Variants in CMSS1 observed in about 807,000 individuals in gnomAD.
The protein encoded by CMSS1 is cms1 ribosomal small subunit homolog, also known as protein CMSS1.
A neutral mutation model predicts 43.5 loss-of-function variants in CMSS1; 33 were observed. The observed-to-expected ratio is 0.76, with a 90% CI of 0.57 to 1.01. The LOEUF is 1.01. Among genes scored for constraint, CMSS1 ranks in the 50% least tolerant of loss-of-function variants. The pLI is 0.00. For synonymous variants in CMSS1, 115 were observed against 117.2 expected (o/e 0.98, Z 0.12); for missense variants, 313 against 326.4 (o/e 0.96, Z 0.32).
chr3:100,103,062 A>C (rs1286891020), intron 1 of CMSS1, among the ~76,000 whole-genome samples: 2 of 152,246 alleles, frequency 1.3e-5, no homozygotes, highest in Non-Finnish European at 2.9e-5. Context: ...AAAATGAAGC[A>C]GACCGACTGT....
chr3:99,928,520 T>TA (rs1204754977), intron 1 of CMSS1, among the ~76,000 whole-genome samples: 1 of 152,182 alleles, frequency 6.6e-6, no homozygotes, highest in African/African-American at 2.4e-5. Flanking sequence ...AGGGGCACCT[T>TA]ACAGAGTTAA....
At chr3:100,128,696 A>T (rs538716826) in intron 1 of CMSS1, among the ~76,000 whole-genome samples, 22 of 152,120 alleles carry the variant, frequency 1.4e-4, no homozygotes, top group Non-Finnish European at 2.5e-4. Flanking sequence ...AGCTGATCTG[A>T]CTTCTATCGG....
chr3:100,161,169 G>A (rs549800374), intron 3 of CMSS1, among the ~76,000 whole-genome samples: 4 of 152,290 alleles, frequency 2.6e-5, no homozygotes, highest in South Asian at 4.1e-4. Flanking sequence ...GAAGTCAGCC[G>A]AGGAAATACG....
chr3:99,873,435 A>G (rs1705339665), intron 1 of CMSS1, among the ~76,000 whole-genome samples: 1 of 152,170 alleles, frequency 6.6e-6, no homozygotes, highest in South Asian at 2.1e-4. Flanking sequence ...TTACATCCAC[A>G]ATATCCAGTC....
chr3:100,136,317 A>G (rs1185133485), intron 1 of CMSS1, among the ~76,000 whole-genome samples: 3 of 152,198 alleles, frequency 2.0e-5, no homozygotes, highest in Non-Finnish European at 4.4e-5. Context: ...ACTGGCGCCA[A>G]TAGAAAGCCC....
At chr3:99,994,384 G>A (rs1484184032) in intron 1 of CMSS1, among the ~76,000 whole-genome samples, 1 of 152,146 alleles carries the variant, frequency 6.6e-6, no homozygotes, top group African/African-American at 2.4e-5. Context: ...AAACCAAATG[G>A]ACTTAACAGA....
At chr3:100,144,339 T>C (rs6767441) in intron 1 of CMSS1, among the ~76,000 whole-genome samples, 61,785 of 152,038 alleles carry the variant, frequency 0.41, 12,662 homozygotes, top group South Asian at 0.47. Context: ...TCCACTAGGC[T>C]TCCTCTGACA....
At chr3:100,051,182 TCTC>T (rs1265460038) in intron 1 of CMSS1, 1 of 152,160 alleles carries the variant, frequency 6.6e-6, no homozygotes, top group Non-Finnish European at 1.5e-5. Context: ...TCACAATTCT[TCTC>T]TGTGAGTCCA....
At chr3:100,133,292 T>G (rs959926077) in intron 1 of CMSS1, among the ~76,000 whole-genome samples, 3 of 152,252 alleles carry the variant, frequency 2.0e-5, no homozygotes, top group Middle Eastern at 6.9e-3. Flanking sequence ...TATTAAAGGA[T>G]AAAACATTTG....
intron 1 of CMSS1, among the ~76,000 whole-genome samples, chr3:99,976,880 C>T (rs1170524609): frequency 6.6e-6 from 1 of 152,130 alleles, no homozygotes; most frequent in African/African-American, 2.4e-5. Flanking sequence ...TGGCTTCCTA[C>T]CTTGCCCCCA....
intron 1 of CMSS1, among the ~76,000 whole-genome samples, chr3:100,070,618 G>T (rs115818557): frequency 0.012 from 1,805 of 152,108 alleles, 23 homozygotes; most frequent in African/African-American, 0.027. Context: ...TCATCGTGGG[G>T]TTTTTTTGTT....
At chr3:99,863,726 C>T (rs1006833853) in intron 1 of CMSS1, among the ~76,000 whole-genome samples, 1 of 152,248 alleles carries the variant, frequency 6.6e-6, no homozygotes, top group East Asian at 1.9e-4. Flanking sequence ...TGTATTAAAA[C>T]GTATACTAGG....
At chr3:100,080,561 C>T (rs1456116016) in intron 1 of CMSS1, among the ~76,000 whole-genome samples, 1 of 152,078 alleles carries the variant, frequency 6.6e-6, no homozygotes, top group Non-Finnish European at 1.5e-5. Flanking sequence ...TTGAGAAATC[C>T]AGCTTAGATT....
At chr3:99,852,157 C>T (rs1465729662) in intron 1 of CMSS1, among the ~76,000 whole-genome samples, 2 of 152,156 alleles carry the variant, frequency 1.3e-5, no homozygotes, top group Non-Finnish European at 2.9e-5. Context: ...ATTTGTGGCA[C>T]TCTCAATTAT....
At chr3:100,106,866 TA>T (rs749249356) in intron 1 of CMSS1, among the ~76,000 whole-genome samples, 5 of 152,152 alleles carry the variant, frequency 3.3e-5, no homozygotes, top group Non-Finnish European at 5.9e-5. Flanking sequence ...TGTTGCTTTT[TA>T]AAAATATGCA....
At position 99,848,357 on chromosome 3, in the gene CMSS1, C is replaced by G. The variant is rs1241674570; in HGVS notation, c.64+30314C>G. ...GGTGTGATAGTAATACTGCTGGTGA[C>G]TTTATTGGTTGTTTTGTTTAGTGCC... On this transcript the variant is annotated intron_variant, in intron 1 of 9. Coordinates refer to ENST00000421999, the MANE Select transcript of CMSS1 (RefSeq NM_032359.4). 2.2e-5 allele frequency: 35 copies of G among 1,613,976 alleles called. No individual in the cohort carries two copies. The Admixed American group carries it at 5.3e-4, about 25-fold the overall frequency.
intron 1 of CMSS1, among the ~76,000 whole-genome samples, chr3:99,987,315 G>T (rs1046064632): frequency 6.6e-6 from 1 of 151,770 alleles, no homozygotes; most frequent in Non-Finnish European, 1.5e-5. Context: ...GATCATTTGA[G>T]GTCAGGAGTT....
At chr3:100,176,851 A>G (rs2067151791) in intron 9 of CMSS1, among the ~76,000 whole-genome samples, 1 of 152,156 alleles carries the variant, frequency 6.6e-6, no homozygotes. Flanking sequence ...CCACTTACTT[A>G]ATTTAGAAAG....
chr3:100,064,327 G>C (rs1487813311), intron 1 of CMSS1, among the ~76,000 whole-genome samples: 1 of 151,758 alleles, frequency 6.6e-6, no homozygotes, highest in Non-Finnish European at 1.5e-5. Flanking sequence ...TATCCTAAAG[G>C]ACCAATTTGC....
Sources: allele counts gnomAD v4.1 joint callset (sites outside exome capture counted in the v4.1 genomes callset), GRCh38; gene constraint gnomAD v4.1.1; transcripts MANE v1.5; gene names NCBI Gene and HGNC (gene_info 2026-07-23, HGNC 2026-07-21).